CDH13: variants seen among roughly 807,000 people sequenced by gnomAD.
The protein encoded by CDH13 is cadherin 13, also known as cadherin-13.
A neutral mutation model predicts 63.8 loss-of-function variants in CDH13; 24 were observed. The observed-to-expected ratio is 0.38, with a 90% CI of 0.27 to 0.53. CDH13 has a LOEUF of 0.53. CDH13 is among the 20% of genes least tolerant of loss of function. CDH13 has a pLI of 0.85. For missense variants in CDH13, 1,049 were observed against 903.1 expected, an observed-to-expected ratio of 1.16 and a Z score of -2.07; for synonymous variants, 503 against 355.3, an observed-to-expected ratio of 1.42 and a Z score of -4.67.
chr16:82,822,216 A>G (rs1332768021), intron 1 of CDH13, among the ~76,000 whole-genome samples: 1 of 152,228 alleles, frequency 6.6e-6, no homozygotes, highest in East Asian at 1.9e-4. Flanking sequence ...TAAAACTTGA[A>G]TGCTTCCAAA....
At chr16:82,676,494 T>TG (rs1446302245) in intron 1 of CDH13, among the ~76,000 whole-genome samples, 15 of 149,116 alleles carry the variant, frequency 1.0e-4, no homozygotes, top group African/African-American at 3.7e-4. Context: ...TTCTTTTTTT[T>TG]TTTTTTTTTT....
chr16:83,262,691 AG>A (rs1333522433), intron 5 of CDH13, among the ~76,000 whole-genome samples: 2 of 152,252 alleles, frequency 1.3e-5, no homozygotes, highest in African/African-American at 2.4e-5. Flanking sequence ...ATAACTTTCA[AG>A]GGAAAGGGTT....
At chr16:83,216,921 A>C (rs2039552663) in intron 4 of CDH13, among the ~76,000 whole-genome samples, 1 of 152,128 alleles carries the variant, frequency 6.6e-6, no homozygotes, top group Non-Finnish European at 1.5e-5. Flanking sequence ...ACACTGGATT[A>C]GTGGATATAT....
intron 1 of CDH13, among the ~76,000 whole-genome samples, chr16:82,732,235 G>C (rs115438295): frequency 6.6e-6 from 1 of 152,142 alleles, no homozygotes; most frequent in African/African-American, 2.4e-5. Context: ...GCAGTTTGTT[G>C]AAATATTATG....
chr16:82,947,567 TAAGTA>T (rs780875302), intron 2 of CDH13, among the ~76,000 whole-genome samples: 2 of 152,176 alleles, frequency 1.3e-5, no homozygotes, highest in Non-Finnish European at 2.9e-5. Flanking sequence ...GGTACAAAAT[TAAGTA>T]AATTTTACAA....
At chr16:83,517,747 C>G (rs540882804) in intron 7 of CDH13, among the ~76,000 whole-genome samples, 1 of 152,240 alleles carries the variant, frequency 6.6e-6, no homozygotes, top group South Asian at 2.1e-4. Flanking sequence ...GAATTGTTGA[C>G]AGTGTATAAG....
rs2033307103 is a variant in CDH13 at position 82,729,871 on chromosome 16, C to G, written c.45+102734C>G. On this transcript the variant is annotated intron_variant, in intron 1 of 13. Coordinates refer to ENST00000567109, the MANE Select transcript of CDH13 (RefSeq NM_001257.5). ...GCTAGATCTTCTGGAAAACTTGTTG[C>G]AACTCTCTACATCAGCTCTTGCTGC... Among the ~76,000 whole-genome samples the G allele has an allele frequency of 2.0e-5, 3 of 152,296 alleles. No homozygotes were observed. The South Asian group carries it at 6.2e-4, about 32-fold the overall frequency.
intron 4 of CDH13, among the ~76,000 whole-genome samples, chr16:83,184,848 A>G (rs1418696242): frequency 1.3e-5 from 2 of 151,814 alleles, no homozygotes; most frequent in African/African-American, 2.4e-5. Context: ...GACTATATAT[A>G]CATTAGCTCA....
At chr16:83,463,926 G>A (rs2073243545) in intron 6 of CDH13, among the ~76,000 whole-genome samples, 1 of 152,168 alleles carries the variant, frequency 6.6e-6, no homozygotes. Flanking sequence ...GTGGCCAGAA[G>A]GAGAACTAGA....
intron 2 of CDH13, among the ~76,000 whole-genome samples, chr16:82,979,481 T>C (rs1909975548): frequency 6.6e-6 from 1 of 152,118 alleles, no homozygotes; most frequent in African/African-American, 2.4e-5. Context: ...TGGGGGTGGT[T>C]ACCCTCATGC....
intron 5 of CDH13, among the ~76,000 whole-genome samples, chr16:83,270,596 C>G (rs1017129209): frequency 6.6e-6 from 1 of 152,100 alleles, no homozygotes; most frequent in African/African-American, 2.4e-5. Flanking sequence ...TGCAAGTCCA[C>G]GAATGGATGC....
At chr16:82,721,917 G>C (rs1297375378) in intron 1 of CDH13, among the ~76,000 whole-genome samples, 1 of 152,072 alleles carries the variant, frequency 6.6e-6, no homozygotes. Context: ...GGGAATGGAA[G>C]GACCTGATGT....
chr16:83,650,108 G>T (rs143715004), intron 8 of CDH13, among the ~76,000 whole-genome samples: 1 of 152,268 alleles, frequency 6.6e-6, no homozygotes, highest in Non-Finnish European at 1.5e-5. Context: ...TAGGTTGATG[G>T]AACTTGACCC....
At chr16:82,803,067 G>A (rs1386833304) in intron 1 of CDH13, among the ~76,000 whole-genome samples, 3 of 152,182 alleles carry the variant, frequency 2.0e-5, no homozygotes, top group Admixed American at 2.0e-4. Flanking sequence ...ATGGGATTTA[G>A]ACATCAGAGG....
intron 7 of CDH13, among the ~76,000 whole-genome samples, chr16:83,596,195 G>T (rs1032904678): frequency 6.6e-6 from 1 of 152,210 alleles, no homozygotes; most frequent in Non-Finnish European, 1.5e-5. Context: ...TAGTGACAGG[G>T]CAGCTGGACA....
chr16:83,327,333 C>G (rs1485503685), intron 5 of CDH13, among the ~76,000 whole-genome samples: 2 of 152,186 alleles, frequency 1.3e-5, no homozygotes, highest in Admixed American at 6.5e-5. Context: ...GGCAGACAGG[C>G]TTTTGCTGAA....
At chr16:83,020,949 C>G (rs772519192) in intron 2 of CDH13, among the ~76,000 whole-genome samples, 16 of 152,208 alleles carry the variant, frequency 1.1e-4, no homozygotes, top group Non-Finnish European at 2.4e-4. Flanking sequence ...TGGAGTAAAG[C>G]TCTCTTCACA....
chr16:82,776,124 C>T (rs190309042), intron 1 of CDH13, among the ~76,000 whole-genome samples: 128 of 152,124 alleles, frequency 8.4e-4, no homozygotes, highest in African/African-American at 2.9e-3. Flanking sequence ...GCATGAGAAT[C>T]GCTTGAACCC....
At chr16:83,479,985 T>G (rs1307513980) in intron 6 of CDH13, among the ~76,000 whole-genome samples, 2 of 152,182 alleles carry the variant, frequency 1.3e-5, no homozygotes, top group African/African-American at 4.8e-5. Flanking sequence ...GAGCATTGAT[T>G]CACTCAATGC....
Sources: allele counts gnomAD v4.1 joint callset (sites outside exome capture counted in the v4.1 genomes callset), GRCh38; gene constraint gnomAD v4.1.1; transcripts MANE v1.5; gene names NCBI Gene and HGNC (gene_info 2026-07-23, HGNC 2026-07-21).